The following PBRM1 variants were observed in gnomAD, a reference collection of about 807,000 sequenced individuals.
PBRM1 encodes protein polybromo-1.
Under a neutral mutation model 194.5 loss-of-function variants are expected in PBRM1, and 27 were observed. The ratio of observed to expected loss-of-function variants is 0.14; its 90% confidence interval spans 0.10 to 0.19. The LOEUF (loss-of-function observed/expected upper bound fraction) is 0.19, where lower values mean the gene tolerates loss of function less well. Among genes scored for constraint, PBRM1 ranks in the 10% least tolerant of loss-of-function variants. The pLI, the probability that PBRM1 is intolerant of heterozygous loss-of-function variation, is 1.00. For synonymous variants in PBRM1, 655 were observed against 693.2 expected (o/e 0.94, Z 0.87); for missense variants, 1,466 against 2,077.2 (o/e 0.71, Z 5.72).
intron 6 of PBRM1, among the ~76,000 whole-genome samples, chr3:52,649,669 G>A (rs2153792642): frequency 6.6e-6 from 1 of 152,318 alleles, no homozygotes; most frequent in South Asian, 2.1e-4. Flanking sequence ...GGTACAAGGA[G>A]TTGTGACATG....
chr3:52,650,379 A>C (rs1006315562), intron 6 of PBRM1, among the ~76,000 whole-genome samples: 81 of 136,438 alleles, frequency 5.9e-4, no homozygotes, highest in African/African-American at 2.0e-3. Context: ...AAAAAAAAAA[A>C]AACCCTAAAA....
At chr3:52,547,512 G>GT (rs2079830843), downstream of PBRM1, 2 of 233,398 alleles carry the variant, frequency 8.6e-6, no homozygotes, top group Admixed American at 5.6e-5. Context: ...CACTTCATCT[G>GT]TAAGAAACAG....
rs1324908457 is a variant in PBRM1 at position 52,654,866 on chromosome 3, C to T, written c.646-3056G>A. On this transcript the variant is annotated intron_variant, in intron 5 of 29. Transcript: ENST00000296302. ...GAAGTGGCATGATCACAGCTCACTG[C>T]GGCCTTGAACTCCTAGGCTCAAGTG... Among the ~76,000 whole-genome samples the T allele has an allele frequency of 5.3e-5, 8 of 152,076 alleles. No homozygotes were observed. In the South Asian group the frequency reaches 1.2e-3, roughly 24 times the overall value.
At chr3:52,567,559 T>G in intron 22 of PBRM1, among the ~76,000 whole-genome samples, 1 of 64,582 alleles carries the variant, frequency 1.5e-5, no homozygotes, top group Admixed American at 2.3e-4. Flanking sequence ...ATTTGATAGG[T>G]AATCTCAAAA....
intron 17 of PBRM1, among the ~76,000 whole-genome samples, chr3:52,595,704 G>A (rs1392540435): frequency 1.3e-5 from 2 of 152,114 alleles, no homozygotes; most frequent in Non-Finnish European, 2.9e-5. Flanking sequence ...TTTTGCTTTG[G>A]TTGCCTGTGC....
intron 2 of PBRM1, among the ~76,000 whole-genome samples, chr3:52,677,333 T>C (rs1459000298): frequency 6.6e-6 from 1 of 150,820 alleles, no homozygotes; most frequent in Non-Finnish European, 1.5e-5. Flanking sequence ...AACCTCTGCC[T>C]CCCAGGTTCA....
chr3:52,652,218 T>C (rs899122975), intron 5 of PBRM1, among the ~76,000 whole-genome samples: 22 of 151,238 alleles, frequency 1.5e-4, no homozygotes, highest in African/African-American at 5.3e-4. Context: ...ACCCCATCTC[T>C]ACTAAAAATA....
chr3:52,644,559 A>C, intron 8 of PBRM1, 145 bp downstream of exon 9: 1 of 369,232 alleles, frequency 2.7e-6, no homozygotes, highest in Non-Finnish European at 5.0e-6. Flanking sequence ...TAATTTTTGT[A>C]TTTTTAGTAG....
intron 17 of PBRM1, among the ~76,000 whole-genome samples, chr3:52,602,540 C>G (rs1044891256): frequency 6.6e-6 from 1 of 152,180 alleles, no homozygotes; most frequent in African/African-American, 2.4e-5. Context: ...TATCTCAGTC[C>G]TTTTATAGAT....
At chr3:52,588,632 G>C (rs1463173098) in intron 18 of PBRM1, among the ~76,000 whole-genome samples, 1 of 141,898 alleles carries the variant, frequency 7.0e-6, no homozygotes, top group Non-Finnish European at 1.5e-5. Flanking sequence ...CGGCTCCCTT[G>C]CAAGCTCCGC....
chr3:52,669,236 C>T (rs996116346), intron 2 of PBRM1, among the ~76,000 whole-genome samples: 5 of 129,774 alleles, frequency 3.9e-5, no homozygotes, highest in African/African-American at 7.6e-5. Context: ...CCAAACTCTT[C>T]GGAAAAAAAA....
At chr3:52,644,826 A>C (rs1391243533) in intron 7 of PBRM1, 37 bp from the exon 9 acceptor site, 2 of 1,026,626 alleles carry the variant, frequency 1.9e-6, no homozygotes, top group Non-Finnish European at 3.0e-6. Flanking sequence ...AAAAAGGAAC[A>C]GATAAAAGGA....
chr3:52,587,775 C>CCTAG (rs1250911034), intron 18 of PBRM1, among the ~76,000 whole-genome samples: 2 of 146,396 alleles, frequency 1.4e-5, no homozygotes, highest in Non-Finnish European at 3.0e-5. Context: ...ATGACATGAA[C>CCTAG]CTAGCACTGT....
intron 17 of PBRM1, among the ~76,000 whole-genome samples, chr3:52,594,882 T>C (rs566307258): frequency 3.9e-5 from 6 of 152,312 alleles, no homozygotes; most frequent in Admixed American, 3.9e-4. Flanking sequence ...TCCTTAAGAA[T>C]GTTGAATATA....
intron 17 of PBRM1, among the ~76,000 whole-genome samples, chr3:52,600,791 A>AG (rs2093936219): frequency 6.6e-6 from 1 of 152,156 alleles, no homozygotes; most frequent in South Asian, 2.1e-4. Context: ...GGCACGCGCC[A>AG]CCACGCCTGG....
intron 11 of PBRM1, 104 bp downstream of exon 12, chr3:52,634,498 T>A: frequency 1.4e-6 from 1 of 726,252 alleles, no homozygotes; most frequent in Non-Finnish European, 2.3e-6. Flanking sequence ...AAAAACACCA[T>A]TTTTACCTTT....
At chr3:52,680,948 C>T (rs1270265387), upstream of PBRM1, among the ~76,000 whole-genome samples, 1 of 151,976 alleles carries the variant, frequency 6.6e-6, no homozygotes, top group Non-Finnish European at 1.5e-5. Flanking sequence ...AAAAAGATCC[C>T]AGTTTCACTC....
At chr3:52,633,019 T>G (rs952692534) in intron 11 of PBRM1, among the ~76,000 whole-genome samples, 3 of 152,070 alleles carry the variant, frequency 2.0e-5, no homozygotes, top group Non-Finnish European at 4.4e-5. Flanking sequence ...CATTTTTAAG[T>G]GTACAGTTTA....
intron 15 of PBRM1, among the ~76,000 whole-genome samples, chr3:52,610,903 C>T (rs921430320): frequency 6.6e-6 from 1 of 152,164 alleles, no homozygotes; most frequent in African/African-American, 2.4e-5. Flanking sequence ...CAAGCCATTA[C>T]ACTCTAGCCT....
Sources: allele counts gnomAD v4.1 joint callset (sites outside exome capture counted in the v4.1 genomes callset), GRCh38; gene constraint gnomAD v4.1.1; transcripts MANE v1.5; gene names NCBI Gene and HGNC (gene_info 2026-07-23, HGNC 2026-07-21).